UNC13C: variants seen among roughly 807,000 people sequenced by gnomAD.
UNC13C encodes the protein unc-13 homolog C, also known as protein unc-13 homolog C.
A neutral mutation model predicts 245.4 loss-of-function variants in UNC13C; 174 were observed. That is an observed-to-expected ratio of 0.71 (90% CI 0.63 to 0.80). UNC13C has a LOEUF of 0.80. UNC13C is among the 30% of genes least tolerant of loss of function. UNC13C has a pLI of 0.00. For missense variants in UNC13C, 2,829 were observed against 2,602.9 expected, an observed-to-expected ratio of 1.09 and a Z score of -1.89; for synonymous variants, 992 against 895.1, an observed-to-expected ratio of 1.11 and a Z score of -1.93.
chr15:54,432,854 G>A lies in UNC13C; in HGVS notation c.4933+17787G>A, dbSNP rs186580977. 2.0e-4 allele frequency among the ~76,000 whole-genome samples: 31 copies of A among 151,266 alleles called. No homozygotes were observed. In the East Asian group the frequency reaches 5.7e-3, roughly 28 times the overall value. On this transcript the variant is annotated intron_variant, in intron 19 of 32. Coordinates refer to ENST00000260323, the MANE Select transcript of UNC13C (RefSeq NM_001080534.3). ...TTAACAAAATAGCTGCTAGCCAGAT[G>A]AATGAAGAAGAAAAGAGAGAAGAAT...
chr15:54,490,795 C>T (rs1275997166), intron 19 of UNC13C, among the ~76,000 whole-genome samples: 2 of 151,978 alleles, frequency 1.3e-5, no homozygotes, highest in African/African-American at 4.8e-5. Context: ...ATTTTGCGGA[C>T]ATGCACACAT....
intron 26 of UNC13C, among the ~76,000 whole-genome samples, chr15:54,535,536 C>T (rs1895950080): frequency 1.3e-5 from 2 of 152,092 alleles, no homozygotes; most frequent in African/African-American, 4.8e-5. Context: ...CCAACAAAAA[C>T]AGAATATACA....
rs182941274 is a variant in UNC13C, at chr15:54,618,818, T to C, written c.6107-3509T>C. ...AGTTCTTTTCACAGTAATACAGGAC[T>C]ATGAAAATAACGGGAGCCAAACTGT... On this transcript the variant is annotated intron_variant, in intron 30 of 32. Coordinates refer to ENST00000260323, the MANE Select transcript of UNC13C (RefSeq NM_001080534.3). Among the ~76,000 whole-genome samples the C allele has an allele frequency of 6.3e-4, 96 of 152,254 alleles. No individual in the cohort carries two copies. In the East Asian group the frequency reaches 0.013, roughly 21 times the overall value.
chr15:54,186,780 T>G (rs2141315865), intron 4 of UNC13C, among the ~76,000 whole-genome samples: 1 of 151,028 alleles, frequency 6.6e-6, no homozygotes, highest in South Asian at 2.1e-4. Flanking sequence ...TATTACTTAA[T>G]GCTCACTGCC....
chr15:54,252,893 G>A (rs536733758), intron 8 of UNC13C, among the ~76,000 whole-genome samples: 2 of 152,240 alleles, frequency 1.3e-5, no homozygotes, highest in East Asian at 3.9e-4. Context: ...TAGAATGCTA[G>A]TTCATAAATT....
At chr15:53,897,294 T>A in the UNC13C span, among the ~76,000 whole-genome samples, 1 of 152,190 alleles carries the variant, frequency 6.6e-6, no homozygotes, top group Non-Finnish European at 1.5e-5. Flanking sequence ...TGGGGTCCAA[T>A]GGACTGGATC....
At chr15:54,161,816 T>C (rs1307144082) in intron 4 of UNC13C, among the ~76,000 whole-genome samples, 1 of 151,938 alleles carries the variant, frequency 6.6e-6, no homozygotes, top group Non-Finnish European at 1.5e-5. Flanking sequence ...TAGCCAGGCA[T>C]GCACATCTGT....
intron 2 of UNC13C, among the ~76,000 whole-genome samples, chr15:54,084,601 A>C (rs1324504742): frequency 6.6e-6 from 1 of 152,106 alleles, no homozygotes; most frequent in African/African-American, 2.4e-5. Flanking sequence ...TTTGAGCTTT[A>C]GTTTTCTCGT....
At chr15:54,558,999 A>G (rs1453140961) in intron 29 of UNC13C, among the ~76,000 whole-genome samples, 1 of 152,002 alleles carries the variant, frequency 6.6e-6, no homozygotes, top group Non-Finnish European at 1.5e-5. Context: ...ACCTGAAAAA[A>G]TGCTGAATGA....
At chr15:54,096,885 A>C (rs1210671440) in intron 2 of UNC13C, among the ~76,000 whole-genome samples, 2 of 152,360 alleles carry the variant, frequency 1.3e-5, no homozygotes, top group East Asian at 3.9e-4. Flanking sequence ...ATATATGATA[A>C]AAATAACAAT....
the UNC13C span, among the ~76,000 whole-genome samples, chr15:53,850,845 T>C: frequency 2.6e-5 from 4 of 152,042 alleles, no homozygotes; most frequent in African/African-American, 7.2e-5. Flanking sequence ...CCACATGTCA[T>C]TGAGGCTCTG....
In UNC13C at chr15:54,002,155, G is replaced by A. The variant is rs186376477; in HGVS notation, c.-256-10493G>A. 9.9e-3 allele frequency among the ~76,000 whole-genome samples: 1,501 copies of A among 152,164 alleles called. 18 individuals are homozygous for A. Among genetic ancestry groups the A allele is most frequent in the African/African-American group, 0.017 (707 of 41,526 alleles). On this transcript the variant is annotated intron_variant, in intron 1 of 32. Transcript: ENST00000260323. ...CAAAAATATTAGCCGGCGTGGTGGCGGGCACCTGTAGTCCCAGCTACTCGG... is the reference window on the plus strand; with the variant it reads ...CAAAAATATTAGCCGGCGTGGTGGCAGGCACCTGTAGTCCCAGCTACTCGG...
At chr15:54,001,171 T>C (rs1894869367) in intron 1 of UNC13C, among the ~76,000 whole-genome samples, 1 of 152,172 alleles carries the variant, frequency 6.6e-6, no homozygotes, top group African/African-American at 2.4e-5. Flanking sequence ...GAAAAGTCAT[T>C]AAAGAGCTAT....
chr15:54,305,614 A>G (rs574318538), intron 13 of UNC13C, among the ~76,000 whole-genome samples: 37 of 152,218 alleles, frequency 2.4e-4, no homozygotes, highest in Non-Finnish European at 4.3e-4. Context: ...AACAACAACA[A>G]TAAAAGTAAC....
At chr15:53,967,595 T>A in the UNC13C span, among the ~76,000 whole-genome samples, 1 of 152,196 alleles carries the variant, frequency 6.6e-6, no homozygotes, top group Non-Finnish European at 1.5e-5. Flanking sequence ...CTTTTATTTG[T>A]TATCTGGATT....
chr15:54,172,703 G>GAT lies in UNC13C; in HGVS notation c.3071+29076_3071+29077dup, dbSNP rs56316345. Among the ~76,000 whole-genome samples the GAT allele has an allele frequency of 2.0e-3, 158 of 78,232 alleles. 5 individuals carry two copies. The highest frequency in any genetic ancestry group is 2.7e-3 in the Non-Finnish European group (105 of 38,980). The allele number at this position is 78,232 out of a possible 152,430, so 51.3% of individuals were successfully genotyped here. ...TATGACAAAGTCAAATACACACACA[G>GAT]ATATATATATATATATATATATATA... On this transcript the variant is annotated intron_variant, in intron 4 of 32. Coordinates refer to ENST00000260323, the MANE Select transcript of UNC13C (RefSeq NM_001080534.3).
At chr15:54,301,427 A>G (rs1411258545) in intron 13 of UNC13C, among the ~76,000 whole-genome samples, 1 of 151,530 alleles carries the variant, frequency 6.6e-6, no homozygotes, top group African/African-American at 2.4e-5. Context: ...TCCTAATGCT[A>G]TCCCTCCCTT....
chr15:54,370,523 T>C (rs889771051), intron 17 of UNC13C, among the ~76,000 whole-genome samples: 3 of 152,204 alleles, frequency 2.0e-5, no homozygotes, highest in African/African-American at 7.2e-5. Flanking sequence ...AGTTATATCA[T>C]GATACGATCA....
intron 17 of UNC13C, among the ~76,000 whole-genome samples, chr15:54,385,332 G>T (rs1371711583): frequency 3.3e-5 from 5 of 152,036 alleles, no homozygotes; most frequent in Non-Finnish European, 7.4e-5. Context: ...AGAAAGTATG[G>T]TATATATTCA....
Sources: allele counts gnomAD v4.1 joint callset (sites outside exome capture counted in the v4.1 genomes callset), GRCh38; gene constraint gnomAD v4.1.1; transcripts MANE v1.5; gene names NCBI Gene and HGNC (gene_info 2026-07-23, HGNC 2026-07-21).